B3GAT1: variants seen among roughly 807,000 people sequenced by gnomAD.
The protein encoded by B3GAT1 is beta-1,3-glucuronyltransferase 1, also known as galactosylgalactosylxylosylprotein 3-beta-glucuronosyltransferase 1.
B3GAT1 carries 11 observed loss-of-function variants against 28.4 expected under a neutral mutation model. That is an observed-to-expected ratio of 0.39 (90% confidence interval 0.24 to 0.64). The LOEUF (loss-of-function observed/expected upper bound fraction) is 0.64. B3GAT1 is among the 30% of genes least tolerant of loss of function. The probability of loss-of-function intolerance (pLI) is 0.50; values close to 1 mark genes in which losing one functional copy is unlikely to be tolerated. For missense variants in B3GAT1, 375 were observed against 491.0 expected (o/e 0.76, Z 2.23); for synonymous variants, 255 against 223.1 (o/e 1.14, Z -1.27).
At position 134,378,860 on chromosome 11, in the gene B3GAT1, C is replaced by T. The variant is rs2136295776; in HGVS notation, c.*1902G>A. 6.6e-6 allele frequency: 1 copy of T among 152,336 alleles called. No individual in the cohort carries two copies. Among genetic ancestry groups the T allele is most frequent in the South Asian group, 2.1e-4 (1 of 4,826 alleles). 9.4% of individuals were successfully genotyped at this position (152,336 alleles called of 1,614,324 possible). Reference sequence around the variant, plus strand: ...TGACCTAGCATCTGCCCAAAGAAGTCCCCATTTTGTTGTTCATTATCAAAG... The same window carrying T: ...TGACCTAGCATCTGCCCAAAGAAGTTCCCATTTTGTTGTTCATTATCAAAG... On this transcript the variant is annotated 3_prime_UTR_variant, in exon 6 of 6. Transcript: ENST00000312527.
chr11:134,410,844 G>A (rs745994222), intron 1 of B3GAT1, among the ~76,000 whole-genome samples: 4 of 152,208 alleles, frequency 2.6e-5, no homozygotes, highest in African/African-American at 4.8e-5. Flanking sequence ...TCAACAGTGC[G>A]TGCTACACAG....
Position 134,387,773 on chromosome 11 carries a change from G to A in B3GAT1, c.-114C>T, listed in dbSNP as rs1371538125. 3.2e-6 allele frequency: 5 copies of A among 1,547,930 alleles called. No individual in the cohort carries two copies. Among genetic ancestry groups the A allele is most frequent in the Non-Finnish European group, 4.4e-6 (5 of 1,149,392 alleles). On this transcript the variant is annotated 5_prime_UTR_variant, in exon 2 of 6. Coordinates refer to ENST00000312527, the MANE Select transcript of B3GAT1 (RefSeq NM_054025.3). ...GGAGAAAAGAACAGGCATGGGCCGG[G>A]CCGGCCAGGCATGGAGAGGACAGAG... is the stretch of plus-strand genomic sequence containing the variant.
chr11:134,397,650 C>T (rs1260970495), intron 1 of B3GAT1, among the ~76,000 whole-genome samples: 1 of 152,192 alleles, frequency 6.6e-6, no homozygotes, highest in African/African-American at 2.4e-5. Context: ...CACCCAGAGC[C>T]GCGGGGGGTC....
At chr11:134,407,126 G>A (rs1591652995) in intron 1 of B3GAT1, among the ~76,000 whole-genome samples, 2 of 152,266 alleles carry the variant, frequency 1.3e-5, no homozygotes, top group African/African-American at 4.8e-5. Flanking sequence ...TGTGACTGAG[G>A]AGCTGCTCAG....
chr11:134,381,034 A>G (rs1180773273), intron 5 of B3GAT1, among the ~76,000 whole-genome samples: 1 of 152,196 alleles, frequency 6.6e-6, no homozygotes, highest in African/African-American at 2.4e-5. Context: ...GCTTAGCTCC[A>G]GGGCAAGAGG....
chr11:134,402,267 C>T (rs929393969), intron 1 of B3GAT1, among the ~76,000 whole-genome samples: 3 of 152,160 alleles, frequency 2.0e-5, no homozygotes, highest in Admixed American at 6.5e-5. Flanking sequence ...GCTTCCCTCC[C>T]GTCACCCTGC....
In B3GAT1 at chr11:134,387,722, G is replaced by A; in HGVS notation, c.-63C>T. 1.2e-6 allele frequency: 2 copies of A among 1,601,058 alleles called. No homozygotes were observed. Among genetic ancestry groups the A allele is most frequent in the Non-Finnish European group, 1.7e-6 (2 of 1,174,348 alleles). Reference sequence around the variant, plus strand: ...GAGTGGCGGTAAGTTCAGGAGAGGGGCGGCCACGGGCGGCGGCAGCACAGG... The same window carrying A: ...GAGTGGCGGTAAGTTCAGGAGAGGGACGGCCACGGGCGGCGGCAGCACAGG... On this transcript the variant is annotated 5_prime_UTR_variant, in exon 2 of 6. Transcript: ENST00000312527.
At chr11:134,398,029 C>G (rs1191541367) in intron 1 of B3GAT1, among the ~76,000 whole-genome samples, 1 of 152,218 alleles carries the variant, frequency 6.6e-6, no homozygotes, top group Non-Finnish European at 1.5e-5. Flanking sequence ...CAATGCGTTG[C>G]TTGGAATTCG....
chr11:134,384,252 G>A lies in B3GAT1; in HGVS notation c.113-64C>T, dbSNP rs564214354. 97 of 1,480,070 alleles carry A rather than the reference G, an allele frequency of 6.6e-5. No homozygotes were observed. In the Admixed American group the frequency reaches 1.5e-3, roughly 24 times the overall value. 91.7% of individuals were successfully genotyped at this position (1,480,070 alleles called of 1,614,324 possible). On this transcript the variant is annotated intron_variant, in intron 2 of 5. Coordinates refer to ENST00000312527, the MANE Select transcript of B3GAT1 (RefSeq NM_054025.3). ...CCGGCTACGGCCCTGGATTCAGAGC[G>A]GGACGCCACCCACCCTGCCAGGGCA... is the stretch of plus-strand genomic sequence containing the variant.
At chr11:134,384,287 TC>T in intron 2 of B3GAT1, 99 bp from the exon 3 acceptor site, 2 of 1,403,750 alleles carry the variant, frequency 1.4e-6, no homozygotes, top group Non-Finnish European at 1.9e-6. Context: ...ACCCTCCTCC[TC>T]CCCCGCTGCA....
At chr11:134,383,310 G>A (rs1420044361) in intron 3 of B3GAT1, among the ~76,000 whole-genome samples, 1 of 152,138 alleles carries the variant, frequency 6.6e-6, no homozygotes, top group African/African-American at 2.4e-5. Flanking sequence ...CCGCTCTAGA[G>A]TGTGAAGTGA....
At position 134,394,300 on chromosome 11, in the gene B3GAT1, A is replaced by G. The variant is rs574533834; in HGVS notation, c.-281-6360T>C. 1.4e-4 allele frequency among the ~76,000 whole-genome samples: 22 copies of G among 152,360 alleles called. No individual in the cohort carries two copies. In the South Asian group the frequency reaches 4.6e-3, roughly 32 times the overall value. On this transcript the variant is annotated intron_variant, in intron 1 of 5. Coordinates refer to ENST00000312527, the MANE Select transcript of B3GAT1 (RefSeq NM_054025.3). ...CAGCCACAGCATGAGGCAGACACAC[A>G]GATCTCGTCCCCATTTTGCATGTGA...
chr11:134,401,452 G>A (rs1299969477), intron 1 of B3GAT1, among the ~76,000 whole-genome samples: 1 of 152,162 alleles, frequency 6.6e-6, no homozygotes, highest in Non-Finnish European at 1.5e-5. Context: ...GCAGCTGGAG[G>A]CCATTATCCT....
intron 1 of B3GAT1, among the ~76,000 whole-genome samples, chr11:134,394,387 G>A (rs1944466505): frequency 6.6e-6 from 1 of 152,224 alleles, no homozygotes; most frequent in Non-Finnish European, 1.5e-5. Flanking sequence ...GGTGTCAGCA[G>A]AGCTGCTCAA....
At chr11:134,395,088 G>A (rs1944478892) in intron 1 of B3GAT1, among the ~76,000 whole-genome samples, 1 of 152,210 alleles carries the variant, frequency 6.6e-6, no homozygotes, top group Non-Finnish European at 1.5e-5. Flanking sequence ...TGTAGCTAGT[G>A]GTCTTCAGGC....
chr11:134,404,986 TC>T (rs1944702821), intron 1 of B3GAT1, among the ~76,000 whole-genome samples: 1 of 152,164 alleles, frequency 6.6e-6, no homozygotes, highest in African/African-American at 2.4e-5. Context: ...CCTTGGCCTC[TC>T]TGGGCTCAGT....
chr11:134,403,332 C>T (rs1190411808), intron 1 of B3GAT1, among the ~76,000 whole-genome samples: 4 of 152,188 alleles, frequency 2.6e-5, no homozygotes, highest in Admixed American at 6.5e-5. Flanking sequence ...CACACCGGTA[C>T]GTTTGCCTGG....
intron 1 of B3GAT1, among the ~76,000 whole-genome samples, chr11:134,399,834 C>A (rs1331772011): frequency 2.0e-5 from 3 of 152,174 alleles, no homozygotes; most frequent in Non-Finnish European, 4.4e-5. Flanking sequence ...TGACTTGGTA[C>A]CTGCTGGAGC....
At chr11:134,404,022 TATATA>T (rs1565459427) in intron 1 of B3GAT1, among the ~76,000 whole-genome samples, 21 of 125,834 alleles carry the variant, frequency 1.7e-4, no homozygotes, top group African/African-American at 3.6e-4. Flanking sequence ...TATATATATA[TATATA>T]TATTTATTAT....
Sources: allele counts gnomAD v4.1 joint callset (sites outside exome capture counted in the v4.1 genomes callset), GRCh38; gene constraint gnomAD v4.1.1; transcripts MANE v1.5; gene names NCBI Gene and HGNC (gene_info 2026-07-23, HGNC 2026-07-21).